The following TBC1D1 variants were observed in gnomAD, a reference collection of about 807,000 sequenced individuals.
The protein encoded by TBC1D1 is TBC1 domain family member 1.
TBC1D1 carries 89 observed loss-of-function variants against 125.6 expected under a neutral mutation model. The observed-to-expected ratio is 0.71, with a 90% CI of 0.60 to 0.85. TBC1D1 has a LOEUF of 0.85. TBC1D1 is among the 40% of genes least tolerant of loss of function. The pLI is 0.00. For synonymous variants in TBC1D1, 565 were observed against 564.1 expected (o/e 1.00, Z -0.02); for missense variants, 1,377 against 1,469.2 (o/e 0.94, Z 1.03).
At chr4:37,974,646 C>T (rs1732698372) in intron 2 of TBC1D1, among the ~76,000 whole-genome samples, 1 of 152,162 alleles carries the variant, frequency 6.6e-6, no homozygotes, top group African/African-American at 2.4e-5. Flanking sequence ...CAACGTAGGC[C>T]TCCCGGGTTC....
chr4:38,084,702 A>G (rs958478163), intron 12 of TBC1D1, among the ~76,000 whole-genome samples: 66 of 151,710 alleles, frequency 4.4e-4, no homozygotes, highest in Non-Finnish European at 5.9e-4. Context: ...GAGGTTTGAG[A>G]ATAACTGGAA....
chr4:38,055,806 TCCTGTAGCAC>T (rs961310737), intron 12 of TBC1D1, among the ~76,000 whole-genome samples: 2 of 152,092 alleles, frequency 1.3e-5, no homozygotes, highest in Non-Finnish European at 2.9e-5. Context: ...TCCTCCCAGG[TCCTGTAGCAC>T]CCTGTTAGAG....
At chr4:38,122,358 C>T (rs1331400061) in intron 17 of TBC1D1, among the ~76,000 whole-genome samples, 3 of 152,340 alleles carry the variant, frequency 2.0e-5, no homozygotes, top group South Asian at 4.1e-4. Flanking sequence ...GGGGCAGAGG[C>T]CCCTGGTGAT....
intron 2 of TBC1D1, among the ~76,000 whole-genome samples, chr4:37,975,057 G>A (rs539078365): frequency 6.6e-6 from 1 of 152,302 alleles, no homozygotes; most frequent in African/African-American, 2.4e-5. Context: ...TGGGCCCGTG[G>A]TACCACTACC....
At chr4:37,989,362 T>A (rs1736087559) in intron 2 of TBC1D1, among the ~76,000 whole-genome samples, 1 of 152,168 alleles carries the variant, frequency 6.6e-6, no homozygotes, top group African/African-American at 2.4e-5. Context: ...CAACCTCCCC[T>A]CCACCTTCAA....
intron 13 of TBC1D1, among the ~76,000 whole-genome samples, chr4:38,095,016 G>A (rs1453583592): frequency 6.6e-6 from 1 of 152,022 alleles, no homozygotes; most frequent in Non-Finnish European, 1.5e-5. Flanking sequence ...TGCAAGTGTG[G>A]GGGTCATTTA....
chr4:38,005,938 A>G (rs17579337), intron 2 of TBC1D1, among the ~76,000 whole-genome samples: 21,785 of 152,106 alleles, frequency 0.14, 2,176 homozygotes, highest in East Asian at 0.55. Context: ...CATTAGACCC[A>G]TGTGTGAGGC....
At chr4:38,090,623 T>C (rs1758269526) in intron 13 of TBC1D1, among the ~76,000 whole-genome samples, 3 of 152,248 alleles carry the variant, frequency 2.0e-5, no homozygotes, top group Non-Finnish European at 4.4e-5. Flanking sequence ...TGTCAAAATA[T>C]GACATGAACT....
chr4:38,042,116 C>T (rs1449576978), intron 8 of TBC1D1, among the ~76,000 whole-genome samples: 1 of 151,784 alleles, frequency 6.6e-6, no homozygotes, highest in African/African-American at 2.4e-5. Context: ...GTAGAGGTTG[C>T]AGTAAGCCAA....
chr4:38,120,969 T>C (rs1454972003), intron 17 of TBC1D1, among the ~76,000 whole-genome samples: 1 of 151,796 alleles, frequency 6.6e-6, no homozygotes, highest in Non-Finnish European at 1.5e-5. Flanking sequence ...AAACTAAGGG[T>C]TTGGCAAAAA....
At chr4:38,023,262 A>T (rs957119338) in intron 6 of TBC1D1, among the ~76,000 whole-genome samples, 1 of 151,324 alleles carries the variant, frequency 6.6e-6, no homozygotes, top group South Asian at 2.1e-4. Context: ...AAAAAAAAGG[A>T]ATATTTATTA....
intron 7 of TBC1D1, among the ~76,000 whole-genome samples, chr4:38,035,221 C>G (rs546040292): frequency 6.6e-6 from 1 of 152,166 alleles, no homozygotes; most frequent in Non-Finnish European, 1.5e-5. Flanking sequence ...CTTGCCCGTT[C>G]CCTAAGAGTT....
chr4:37,978,484 G>A (rs1733702901), intron 2 of TBC1D1, among the ~76,000 whole-genome samples: 1 of 152,210 alleles, frequency 6.6e-6, no homozygotes, highest in African/African-American at 2.4e-5. Flanking sequence ...TGGTGGTTAT[G>A]TCTTGAGTTA....
chr4:38,023,857 G>A (rs34345608), intron 6 of TBC1D1, among the ~76,000 whole-genome samples: 71,171 of 152,010 alleles, frequency 0.47, 16,770 homozygotes, highest in East Asian at 0.62. Flanking sequence ...TAGGGTATGT[G>A]GTAATTTTAT....
intron 15 of TBC1D1, among the ~76,000 whole-genome samples, chr4:38,114,608 A>G (rs932023797): frequency 5.9e-5 from 9 of 152,216 alleles, no homozygotes; most frequent in Non-Finnish European, 1.3e-4. Context: ...AATCGTTTCA[A>G]GTACTTCTCT....
At chr4:38,061,875 A>G (rs561838049) in intron 12 of TBC1D1, among the ~76,000 whole-genome samples, 2 of 152,352 alleles carry the variant, frequency 1.3e-5, no homozygotes, top group Admixed American at 1.3e-4. Flanking sequence ...TACATGAAAC[A>G]TGATTTACAT....
At chr4:37,969,367 A>T (rs1731621053) in intron 2 of TBC1D1, among the ~76,000 whole-genome samples, 1 of 152,198 alleles carries the variant, frequency 6.6e-6, no homozygotes, top group Admixed American at 6.5e-5. Context: ...TTTGAGACAG[A>T]GTTCCGCTCT....
At chr4:37,956,226 CCAGG>C (rs1288388454) in intron 2 of TBC1D1, among the ~76,000 whole-genome samples, 2 of 151,846 alleles carry the variant, frequency 1.3e-5, no homozygotes, top group Admixed American at 1.3e-4. Context: ...CCTGTGTTGC[CCAGG>C]CTGGTCTCGA....
rs187612705 is a variant in TBC1D1, at chr4:38,137,404, G to T, written c.*69G>T. On this transcript the variant is annotated 3_prime_UTR_variant, in exon 20 of 20. Coordinates refer to ENST00000261439, the MANE Select transcript of TBC1D1 (RefSeq NM_015173.4). Reference sequence around the variant, plus strand: ...GCCTTAACTGAGAGGGACAGAAGACGCTGGAAGGAGAGAAGGAAGCGGGAA... The same window carrying T: ...GCCTTAACTGAGAGGGACAGAAGACTCTGGAAGGAGAGAAGGAAGCGGGAA... The T allele has an allele frequency of 1.0e-4, 143 of 1,364,170 alleles. No homozygotes were observed. The African/African-American group carries it at 1.9e-3, about 18-fold the overall frequency. 84.5% of individuals were successfully genotyped at this position (1,364,170 alleles called of 1,614,324 possible).
Sources: gnomAD v4.1 joint callset for allele counts (sites outside exome capture counted in the v4.1 genomes callset) on GRCh38, gnomAD v4.1.1 for gene constraint, MANE v1.5 for transcripts, NCBI Gene and HGNC (gene_info 2026-07-23, HGNC 2026-07-21) for gene names.